The following CLSTN2 variants were observed in gnomAD, a reference collection of about 807,000 sequenced individuals.
CLSTN2 encodes the protein calsyntenin 2.
Under a neutral mutation model 101.2 loss-of-function variants are expected in CLSTN2, and 48 were observed. The observed-to-expected ratio is 0.47, with a 90% CI of 0.38 to 0.60. The LOEUF (loss-of-function observed/expected upper bound fraction) is 0.60. Among genes scored for constraint, CLSTN2 ranks in the 20% least tolerant of loss-of-function variants. The pLI is 0.00. For missense variants in CLSTN2, 1,160 were observed against 1,238.2 expected (o/e 0.94, Z 0.95); for synonymous variants, 481 against 463.6 (o/e 1.04, Z -0.48).
At chr3:139,996,655 T>A (rs1169230092) in intron 1 of CLSTN2, among the ~76,000 whole-genome samples, 2 of 152,246 alleles carry the variant, frequency 1.3e-5, no homozygotes, top group Non-Finnish European at 2.9e-5. Context: ...TCCAACTGAA[T>A]GAATTCTCAT....
At position 140,479,022 on chromosome 3, in the gene CLSTN2, A is replaced by T. The variant is rs572611533; in HGVS notation, c.1344+12291A>T. Among the ~76,000 whole-genome samples, 66 of 152,302 alleles carry T rather than the reference A, an allele frequency of 4.3e-4. No homozygotes were observed. In the South Asian group the frequency reaches 0.014, roughly 32 times the overall value. ...ATGGAGATGCAGGAAAGGAGGTCAA[A>T]ATCTGATCATAAACTCCCCTCAAAT... is the stretch of plus-strand genomic sequence containing the variant. On this transcript the variant is annotated intron_variant, in intron 8 of 16. Transcript: ENST00000458420.
At chr3:140,013,072 T>C (rs2007120930) in intron 1 of CLSTN2, among the ~76,000 whole-genome samples, 1 of 152,130 alleles carries the variant, frequency 6.6e-6, no homozygotes, top group Non-Finnish European at 1.5e-5. Flanking sequence ...GCTCAATGGA[T>C]GGATGAGCCA....
chr3:140,027,478 G>T (rs537795658), intron 1 of CLSTN2, among the ~76,000 whole-genome samples: 2 of 152,278 alleles, frequency 1.3e-5, no homozygotes, highest in Non-Finnish European at 2.9e-5. Context: ...TCATAGCCTT[G>T]CTGACATTTT....
rs151096034 is a variant in CLSTN2, at chr3:140,152,517, C to T, written c.110-23434C>T. Reference sequence around the variant, plus strand: ...TATAATTGGGCAATTATTAGTATAACTATTAATGCTGACCCTCCAATACCT... The same window carrying T: ...TATAATTGGGCAATTATTAGTATAATTATTAATGCTGACCCTCCAATACCT... On this transcript the variant is annotated intron_variant, in intron 1 of 16. Coordinates refer to ENST00000458420, the MANE Select transcript of CLSTN2 (RefSeq NM_022131.3). Among the ~76,000 whole-genome samples, 102 of 152,306 alleles carry T rather than the reference C, an allele frequency of 6.7e-4. No individual in the cohort carries two copies. The East Asian group carries it at 0.017, about 25-fold the overall frequency.
At chr3:139,961,296 C>G (rs780783891) in intron 1 of CLSTN2, among the ~76,000 whole-genome samples, 1 of 152,174 alleles carries the variant, frequency 6.6e-6, no homozygotes, top group Non-Finnish European at 1.5e-5. Context: ...GTTTTAAGAA[C>G]ATGATATAGC....
chr3:140,559,677 G>A (rs1444231244), intron 12 of CLSTN2, among the ~76,000 whole-genome samples: 5 of 152,172 alleles, frequency 3.3e-5, no homozygotes, highest in Middle Eastern at 3.4e-3. Flanking sequence ...AGTGTCCTTT[G>A]CTGCCTCTTC....
chr3:140,532,913 G>A (rs1192543425), intron 9 of CLSTN2, among the ~76,000 whole-genome samples: 2 of 152,144 alleles, frequency 1.3e-5, no homozygotes, highest in African/African-American at 4.8e-5. Context: ...CAAACCCTCT[G>A]TTCTGGGAAC....
intron 2 of CLSTN2, among the ~76,000 whole-genome samples, chr3:140,364,456 T>G (rs937819716): frequency 1.3e-5 from 2 of 152,180 alleles, no homozygotes; most frequent in African/African-American, 4.8e-5. Context: ...TCTGGTCTGA[T>G]TCTCTGGTGA....
At chr3:140,344,354 G>A (rs2087521410) in intron 2 of CLSTN2, among the ~76,000 whole-genome samples, 1 of 152,176 alleles carries the variant, frequency 6.6e-6, no homozygotes, top group Non-Finnish European at 1.5e-5. Context: ...TTAAGCCTGT[G>A]CTCACGTCAT....
chr3:140,374,249 C>T (rs909963727), intron 2 of CLSTN2, among the ~76,000 whole-genome samples: 3 of 152,174 alleles, frequency 2.0e-5, no homozygotes, highest in Non-Finnish European at 2.9e-5. Flanking sequence ...CCAGGTTGAT[C>T]AGTTATCTGT....
chr3:140,474,214 C>T (rs1266270683), intron 8 of CLSTN2, among the ~76,000 whole-genome samples: 1 of 152,204 alleles, frequency 6.6e-6, no homozygotes, highest in African/African-American at 2.4e-5. Context: ...TCTCCCTACA[C>T]CTTGCTGAGG....
intron 2 of CLSTN2, among the ~76,000 whole-genome samples, chr3:140,337,445 A>G (rs1271189387): frequency 2.0e-5 from 3 of 152,144 alleles, no homozygotes; most frequent in Non-Finnish European, 2.9e-5. Context: ...TCTTCTTTTA[A>G]GGACACCAGT....
intron 4 of CLSTN2, among the ~76,000 whole-genome samples, chr3:140,406,931 C>T (rs564736269): frequency 1.3e-5 from 2 of 152,336 alleles, no homozygotes; most frequent in East Asian, 3.9e-4. Flanking sequence ...CTTGATGAGC[C>T]ATTTTGCTAA....
chr3:140,410,188 T>A (rs1326020239), intron 4 of CLSTN2, among the ~76,000 whole-genome samples: 1 of 152,008 alleles, frequency 6.6e-6, no homozygotes, highest in African/African-American at 2.4e-5. Context: ...TCTAGGTACA[T>A]GAAACTTAAA....
At chr3:140,310,215 A>G (rs1164872894) in intron 2 of CLSTN2, among the ~76,000 whole-genome samples, 1 of 152,164 alleles carries the variant, frequency 6.6e-6, no homozygotes, top group Non-Finnish European at 1.5e-5. Flanking sequence ...TTTATAAACC[A>G]TAAACCTGAC....
At chr3:140,169,422 T>C (rs1288445867) in intron 1 of CLSTN2, among the ~76,000 whole-genome samples, 3 of 152,154 alleles carry the variant, frequency 2.0e-5, no homozygotes, top group Non-Finnish European at 4.4e-5. Flanking sequence ...TCCCTGTGAA[T>C]AATGACAATT....
chr3:140,042,678 G>C (rs779106530), intron 1 of CLSTN2, among the ~76,000 whole-genome samples: 1 of 151,802 alleles, frequency 6.6e-6, no homozygotes, highest in Non-Finnish European at 1.5e-5. Flanking sequence ...CCCTCCTCCC[G>C]CTACACCATG....
At chr3:140,324,869 A>G (rs1240061022) in intron 2 of CLSTN2, among the ~76,000 whole-genome samples, 1 of 152,210 alleles carries the variant, frequency 6.6e-6, no homozygotes, top group Non-Finnish European at 1.5e-5. Context: ...ATAAACTAAA[A>G]GTGATATTGC....
chr3:140,491,269 A>G (rs1351349488), intron 8 of CLSTN2, among the ~76,000 whole-genome samples: 1 of 152,082 alleles, frequency 6.6e-6, no homozygotes, highest in Non-Finnish European at 1.5e-5. Context: ...CCAAATCCTC[A>G]TTTCATCCTT....
Sources: gnomAD v4.1 joint callset for allele counts (sites outside exome capture counted in the v4.1 genomes callset) on GRCh38, gnomAD v4.1.1 for gene constraint, MANE v1.5 for transcripts, NCBI Gene and HGNC (gene_info 2026-07-23, HGNC 2026-07-21) for gene names.